COL5A3: variants seen among roughly 807,000 people sequenced by gnomAD.
The protein encoded by COL5A3 is collagen alpha-3(V) chain.
In COL5A3, 172 loss-of-function variants were observed where a neutral mutation model predicts 250.0. That is an observed-to-expected ratio of 0.69 (90% CI 0.61 to 0.78). The LOEUF (loss-of-function observed/expected upper bound fraction) is 0.78, where lower values mean the gene tolerates loss of function less well. Among genes scored for constraint, COL5A3 ranks in the 30% least tolerant of loss-of-function variants. COL5A3 has a pLI of 0.00. For missense variants in COL5A3, 2,340 were observed against 2,334.4 expected, an observed-to-expected ratio of 1.00 and a Z score of -0.05; for synonymous variants, 937 against 900.4, an observed-to-expected ratio of 1.04 and a Z score of -0.73.
chr19:9,964,347 C>T (rs906908501), intron 64 of COL5A3, among the ~76,000 whole-genome samples: 3 of 152,018 alleles, frequency 2.0e-5, no homozygotes, highest in African/African-American at 7.2e-5. Context: ...TGCCTATAAT[C>T]ACAATACCTT....
Position 9,966,163 on chromosome 19 carries a change from T to C in COL5A3, c.4782+151A>G. Reference sequence around the variant, plus strand: ...TTTTCTTTTTGATCCTCTGCTGTAGTCCCAGCTCTTGAGGCAGGACTTGGC... The same window carrying C: ...TTTTCTTTTTGATCCTCTGCTGTAGCCCCAGCTCTTGAGGCAGGACTTGGC... On this transcript the variant is annotated intron_variant, in intron 64 of 66. Transcript: ENST00000264828. 4.6e-6 allele frequency: 3 copies of C among 645,838 alleles called. No homozygotes were observed. The South Asian group carries it at 6.1e-5, about 13-fold the overall frequency. The allele number at this position is 645,838 out of a possible 1,614,324, so 40.0% of individuals were successfully genotyped here.
intron 24 of COL5A3, among the ~76,000 whole-genome samples, chr19:9,990,814 C>T (rs951030356): frequency 1.3e-5 from 2 of 152,186 alleles, no homozygotes; most frequent in East Asian, 3.9e-4. Flanking sequence ...CCCCCCATCT[C>T]AGCCTCCCAA....
chr19:10,006,654 T>A (rs1274340575), intron 1 of COL5A3, among the ~76,000 whole-genome samples: 3 of 151,722 alleles, frequency 2.0e-5, no homozygotes. Flanking sequence ...TTCCAGTGTG[T>A]TTTCTTCCCC....
In COL5A3 at chr19:9,993,560, G is replaced by C. The variant is rs1388819154; in HGVS notation, c.1695+59C>G. The C allele has an allele frequency of 1.9e-6, 3 of 1,593,902 alleles. No homozygotes were observed. In the Admixed American group the frequency reaches 5.0e-5, roughly 27 times the overall value. On this transcript the variant is annotated intron_variant, in intron 18 of 66. Coordinates refer to ENST00000264828, the MANE Select transcript of COL5A3 (RefSeq NM_015719.4). Reference sequence around the variant, plus strand: ...GACTCTGATACTGAGGGAGAAGTTGGGGGGGCTTGAATATTGGGAGGAGGG... The same window carrying C: ...GACTCTGATACTGAGGGAGAAGTTGCGGGGGCTTGAATATTGGGAGGAGGG...
intron 65 of COL5A3, among the ~76,000 whole-genome samples, 191 bp from the exon 66 acceptor site, chr19:9,961,081 A>C (rs926237374): frequency 6.6e-6 from 1 of 151,506 alleles, no homozygotes; most frequent in Non-Finnish European, 1.5e-5. Flanking sequence ...CACTCTGTCC[A>C]CCTCTCCATC....
At chr19:9,998,256 A>T in intron 8 of COL5A3, 107 bp from the exon 9 acceptor site, 1 of 1,002,692 alleles carries the variant, frequency 1.0e-6, no homozygotes, top group Non-Finnish European at 1.5e-6. Context: ...ACACACACAC[A>T]CGGAGTCCAC....
At chr19:10,002,283 G>A (rs1342036837) in intron 6 of COL5A3, among the ~76,000 whole-genome samples, 1 of 152,070 alleles carries the variant, frequency 6.6e-6, no homozygotes, top group Non-Finnish European at 1.5e-5. Context: ...GGGGGTTGGG[G>A]GGGTGTGGGA....
At chr19:9,998,620 C>T (rs1599224648) in intron 8 of COL5A3, among the ~76,000 whole-genome samples, 1 of 152,102 alleles carries the variant, frequency 6.6e-6, no homozygotes, top group Non-Finnish European at 1.5e-5. Flanking sequence ...TGTGTCTATG[C>T]GCCTCCCCTG....
chr19:10,007,432 A>G (rs1043751063), intron 1 of COL5A3, among the ~76,000 whole-genome samples: 5 of 152,278 alleles, frequency 3.3e-5, no homozygotes, highest in Admixed American at 2.6e-4. Context: ...GTCTGGCCCA[A>G]CAGTTCCTAA....
intron 31 of COL5A3, among the ~76,000 whole-genome samples, chr19:9,983,588 GAA>G (rs34474995): frequency 0.077 from 5,595 of 73,028 alleles, 464 homozygotes; most frequent in African/African-American, 0.14. Flanking sequence ...AAGAAAGAAA[GAA>G]AGAAAGAAAG....
chr19:9,983,586 AAGAAAGAAAGAAAGAGAAAGAG>A lies in COL5A3; in HGVS notation c.2407-1490_2407-1469del, dbSNP rs1568418775. 9.1e-4 allele frequency among the ~76,000 whole-genome samples: 79 copies of A among 86,400 alleles called. 1 individual carries two copies. The highest frequency in any genetic ancestry group is 5.0e-3 in the East Asian group (14 of 2,824). 56.7% of individuals were successfully genotyped at this position (86,400 alleles called of 152,430 possible). On this transcript the variant is annotated intron_variant, in intron 31 of 66. Coordinates refer to ENST00000264828, the MANE Select transcript of COL5A3 (RefSeq NM_015719.4). The stretch of plus-strand genomic sequence containing the variant: ...AAAGAAAGAAAGAAAGAAAGAAAGA[AAGAAAGAAAGAAAGAGAAAGAG>A]AGAGAGAGAGAAAGAAAGAAAGAAG...
At chr19:9,993,235 G>A (rs985212177) in intron 19 of COL5A3, 145 bp downstream of exon 19, 7 of 1,113,662 alleles carry the variant, frequency 6.3e-6, no homozygotes, top group Non-Finnish European at 9.5e-6. Flanking sequence ...TCCAATCCTA[G>A]ACCTGCAAGT....
intron 62 of COL5A3, 30 bp from the exon 63 acceptor site, chr19:9,966,776 GA>G: frequency 2.0e-6 from 3 of 1,493,864 alleles, no homozygotes; most frequent in Admixed American, 4.0e-5. Context: ...ACGGAGAAGA[GA>G]GGGGAGATGG....
chr19:9,981,134 T>G lies in COL5A3; in HGVS notation c.2461-2A>C. The G allele has an allele frequency of 6.2e-7, 1 of 1,613,876 alleles. No individual in the cohort carries two copies. The highest frequency in any genetic ancestry group is 8.5e-7 in the Non-Finnish European group (1 of 1,179,854). On this transcript the variant is annotated splice_acceptor_variant, in intron 32 of 66. Transcript: ENST00000264828. LOFTEE classifies it high-confidence loss of function. Reference sequence around the variant, plus strand: ...CAGGCCTGGCTGCCCTGTCTTTCCCTGAAAATGAATTGTAAGAGAGAAAGC... The same window carrying G: ...CAGGCCTGGCTGCCCTGTCTTTCCCGGAAAATGAATTGTAAGAGAGAAAGC...
intron 4 of COL5A3, 70 bp downstream of exon 4, chr19:10,005,488 T>C: frequency 6.8e-7 from 1 of 1,480,792 alleles, no homozygotes; most frequent in Non-Finnish European, 9.4e-7. Flanking sequence ...TTTAATATCC[T>C]CTCCAGATTC....
chr19:9,965,150 C>CTTTTT (rs931756823), intron 64 of COL5A3, among the ~76,000 whole-genome samples: 1 of 137,608 alleles, frequency 7.3e-6, no homozygotes, highest in Non-Finnish European at 1.6e-5. Context: ...TTTTTCTTTT[C>CTTTTT]TTTTTCTTTT....
intron 4 of COL5A3, among the ~76,000 whole-genome samples, chr19:10,004,433 G>T (rs2087410963): frequency 6.6e-6 from 1 of 152,216 alleles, no homozygotes; most frequent in Non-Finnish European, 1.5e-5. Context: ...TCCTTCACCG[G>T]TTCAAGTGAT....
intron 15 of COL5A3, 94 bp downstream of exon 15, chr19:9,995,972 G>T: frequency 8.2e-7 from 1 of 1,217,708 alleles, no homozygotes; most frequent in Non-Finnish European, 1.1e-6. Context: ...GGTATCCCCA[G>T]CCCCTTTGGC....
intron 8 of COL5A3, 54 bp from the exon 9 acceptor site, chr19:9,998,203 G>A: frequency 6.5e-7 from 1 of 1,536,982 alleles, no homozygotes; most frequent in South Asian, 1.2e-5. Flanking sequence ...TTGGACATAA[G>A]CCCTTCAGTT....
Sources: allele counts gnomAD v4.1 joint callset (sites outside exome capture counted in the v4.1 genomes callset), GRCh38; gene constraint gnomAD v4.1.1; transcripts MANE v1.5; gene names NCBI Gene and HGNC (gene_info 2026-07-23, HGNC 2026-07-21).